CDH20: variants seen among roughly 807,000 people sequenced by gnomAD.
CDH20 encodes the protein cadherin 20.
CDH20 carries 29 observed loss-of-function variants against 74.2 expected under a neutral mutation model. That is an observed-to-expected ratio of 0.39 (90% confidence interval 0.29 to 0.53). CDH20 has a LOEUF of 0.53. CDH20 is among the 20% of genes least tolerant of loss of function. The pLI is 0.69. For synonymous variants in CDH20, 469 were observed against 405.4 expected, an observed-to-expected ratio of 1.16 and a Z score of -1.88; for missense variants, 988 against 1,048.3, an observed-to-expected ratio of 0.94 and a Z score of 0.79.
intron 6 of CDH20, among the ~76,000 whole-genome samples, chr18:61,514,485 C>T (rs1033409143): frequency 1.2e-4 from 19 of 152,114 alleles, no homozygotes; most frequent in Admixed American, 1.2e-3. Context: ...CCTCTGAAGC[C>T]TTCTTCTCTC....
At chr18:61,429,592 AT>A (rs1281388230) in intron 1 of CDH20, among the ~76,000 whole-genome samples, 1 of 152,154 alleles carries the variant, frequency 6.6e-6, no homozygotes, top group Non-Finnish European at 1.5e-5. Context: ...CTTTTGTCAA[AT>A]TTGGCTTATC....
intron 1 of CDH20, among the ~76,000 whole-genome samples, chr18:61,426,850 A>G (rs1358547338): frequency 6.6e-6 from 1 of 152,200 alleles, no homozygotes; most frequent in African/African-American, 2.4e-5. Flanking sequence ...CAGGACATCA[A>G]GTATCCCTGG....
chr18:61,341,430 C>G (rs1003142640), intron 1 of CDH20, among the ~76,000 whole-genome samples: 6 of 151,482 alleles, frequency 4.0e-5, no homozygotes, highest in African/African-American at 9.8e-5. Context: ...GAGCCCCCCC[C>G]CCGCCTAATG....
intron 10 of CDH20, 130 bp downstream of exon 10, chr18:61,545,274 G>T: frequency 3.3e-6 from 2 of 600,332 alleles, no homozygotes; most frequent in Non-Finnish European, 2.9e-6. Context: ...TAATAATTCA[G>T]TGTATTTTTT....
At position 61,410,924 on chromosome 18, in the gene CDH20, A is replaced by G. The variant is rs192538760; in HGVS notation, c.-153+77097A>G. 6.6e-5 allele frequency among the ~76,000 whole-genome samples: 10 copies of G among 152,268 alleles called. No homozygotes were observed. In the East Asian group the frequency reaches 1.5e-3, roughly 24 times the overall value. On this transcript the variant is annotated intron_variant, in intron 1 of 11. Coordinates refer to ENST00000262717, the MANE Select transcript of CDH20 (RefSeq NM_031891.4). ...TAAAAATATGTATAAGGCGGGGCTG[A>G]GCGCGGTGGCTCACGCCTGTAATCC...
At chr18:61,485,172 T>C (rs1412857580) in intron 1 of CDH20, among the ~76,000 whole-genome samples, 2 of 152,238 alleles carry the variant, frequency 1.3e-5, no homozygotes, top group South Asian at 2.1e-4. Flanking sequence ...ATTCCTTTTC[T>C]TCTTCTGTTC....
intron 1 of CDH20, among the ~76,000 whole-genome samples, chr18:61,449,764 AT>A (rs895288648): frequency 1.3e-4 from 20 of 148,942 alleles, no homozygotes; most frequent in South Asian, 2.2e-4. Flanking sequence ...ATAGAAAAAA[AT>A]ATATATATAT....
chr18:61,455,972 C>T (rs371403743), intron 1 of CDH20, among the ~76,000 whole-genome samples: 6 of 152,274 alleles, frequency 3.9e-5, no homozygotes, highest in East Asian at 3.9e-4. Context: ...TACTGGAAAA[C>T]GTTTAAATAG....
chr18:61,502,230 CA>C (rs1911408213), intron 4 of CDH20, among the ~76,000 whole-genome samples: 2 of 152,116 alleles, frequency 1.3e-5, no homozygotes, highest in African/African-American at 4.8e-5. Context: ...CAACACATTT[CA>C]ACGGATTTGG....
In CDH20 at chr18:61,345,466, A is replaced by G. The variant is rs78255329; in HGVS notation, c.-153+11639A>G. Among the ~76,000 whole-genome samples the G allele has an allele frequency of 9.0e-3, 1,375 of 152,228 alleles. 20 individuals are homozygous for G. Among genetic ancestry groups the G allele is most frequent in the African/African-American group, 0.032 (1,319 of 41,540 alleles). ...TCTGCTGTTAATGAAACAGTTTTAGACTGAAGGTTCACAACCCGCCCAGGT... is the reference window on the plus strand; with the variant it reads ...TCTGCTGTTAATGAAACAGTTTTAGGCTGAAGGTTCACAACCCGCCCAGGT... On this transcript the variant is annotated intron_variant, in intron 1 of 11. Transcript: ENST00000262717.
intron 6 of CDH20, among the ~76,000 whole-genome samples, chr18:61,521,576 G>A (rs1423069622): frequency 6.6e-6 from 1 of 151,286 alleles, no homozygotes; most frequent in African/African-American, 2.5e-5. Context: ...CATTTTATGA[G>A]GCCAGGATCA....
At chr18:61,428,416 TCTC>T (rs1733724534) in intron 1 of CDH20, among the ~76,000 whole-genome samples, 1 of 152,152 alleles carries the variant, frequency 6.6e-6, no homozygotes, top group African/African-American at 2.4e-5. Flanking sequence ...CCATTTTTCT[TCTC>T]CTTTGATCTG....
In CDH20 at chr18:61,507,365, C is replaced by A; in HGVS notation, c.830-8C>A. The A allele has an allele frequency of 6.2e-7, 1 of 1,608,430 alleles. No individual in the cohort carries two copies. The stretch of plus-strand genomic sequence containing the variant: ...ATCAAGAATGCGTGTCCTGGCTTTT[C>A]TTCGTAGAACATTACCAGATGAGTG... On this transcript the variant is annotated splice_region_variant and splice_polypyrimidine_tract_variant and intron_variant, in intron 5 of 11. Coordinates refer to ENST00000262717, the MANE Select transcript of CDH20 (RefSeq NM_031891.4).
chr18:61,365,631 T>C (rs1047243123), intron 1 of CDH20, among the ~76,000 whole-genome samples: 4 of 152,172 alleles, frequency 2.6e-5, no homozygotes, highest in African/African-American at 9.7e-5. Flanking sequence ...TTGTCAGTTA[T>C]GTATCAGAAA....
intron 1 of CDH20, among the ~76,000 whole-genome samples, chr18:61,393,279 C>A (rs1911854930): frequency 6.6e-6 from 1 of 152,160 alleles, no homozygotes; most frequent in African/African-American, 2.4e-5. Flanking sequence ...ACAGTGCCTG[C>A]CAAATCCAGC....
Position 61,554,751 on chromosome 18 carries a change from G to T in CDH20, c.*56G>T, listed in dbSNP as rs1049685254. On this transcript the variant is annotated 3_prime_UTR_variant, in exon 12 of 12. Coordinates refer to ENST00000262717, the MANE Select transcript of CDH20 (RefSeq NM_031891.4). ...TCCAGACGTTCTCCGCGGGTGCTTC[G>T]CGGACAAGGTGCAGCCAACCACACG... The T allele has an allele frequency of 6.7e-7, 1 of 1,481,900 alleles. No homozygotes were observed. Among genetic ancestry groups the T allele is most frequent in the Admixed American group, 2.1e-5 (1 of 47,500 alleles). 91.8% of individuals were successfully genotyped at this position (1,481,900 alleles called of 1,614,324 possible). A position where few individuals can be genotyped will look rare whatever the true frequency, so the allele number is the denominator to read the frequency against.
chr18:61,459,381 G>C (rs959890774), intron 1 of CDH20, among the ~76,000 whole-genome samples: 21 of 152,172 alleles, frequency 1.4e-4, no homozygotes, highest in African/African-American at 4.6e-4. Flanking sequence ...TAAAATACCA[G>C]TTAGTGCATC....
intron 1 of CDH20, among the ~76,000 whole-genome samples, chr18:61,396,427 T>C (rs1216677366): frequency 1.3e-5 from 2 of 152,304 alleles, no homozygotes; most frequent in Admixed American, 6.5e-5. Context: ...GACCAGTTTT[T>C]ATCTGCTCAG....
intron 1 of CDH20, among the ~76,000 whole-genome samples, chr18:61,371,570 G>GA (rs1190464257): frequency 6.6e-6 from 1 of 151,974 alleles, no homozygotes; most frequent in Non-Finnish European, 1.5e-5. Flanking sequence ...AAACTAAAGA[G>GA]AAAAATGAGG....
Sources: gnomAD v4.1 joint callset for allele counts (sites outside exome capture counted in the v4.1 genomes callset) on GRCh38, gnomAD v4.1.1 for gene constraint, MANE v1.5 for transcripts, NCBI Gene and HGNC (gene_info 2026-07-23, HGNC 2026-07-21) for gene names.